Variants in EFR3B observed in about 807,000 individuals in gnomAD.
EFR3B encodes protein EFR3 homolog B.
In EFR3B, 64 loss-of-function variants were observed where a neutral mutation model predicts 104.7. The observed-to-expected ratio is 0.61, with a 90% CI of 0.50 to 0.75. The LOEUF (loss-of-function observed/expected upper bound fraction) is 0.75, where lower values mean the gene tolerates loss of function less well. Ranked by LOEUF, EFR3B falls within the 30% of genes least tolerant of loss-of-function variation. EFR3B has a pLI of 0.00. For missense variants in EFR3B, 750 were observed against 1,078.5 expected, an observed-to-expected ratio of 0.70 and a Z score of 4.27; for synonymous variants, 385 against 417.9, an observed-to-expected ratio of 0.92 and a Z score of 0.96.
chr2:25,066,300 T>C lies in EFR3B; in HGVS notation c.7+23981T>C, dbSNP rs189703076. Among the ~76,000 whole-genome samples, 19 of 152,256 alleles carry C rather than the reference T, an allele frequency of 1.2e-4. No homozygotes were observed. The East Asian group carries it at 3.7e-3, about 29-fold the overall frequency. On this transcript the variant is annotated intron_variant, in intron 1 of 22. Transcript: ENST00000403714. ...CACTGGAAGTAGATTCCTTACGCATTCTAAGAGCACAATAGAAGGTGATAG... is the reference window on the plus strand; with the variant it reads ...CACTGGAAGTAGATTCCTTACGCATCCTAAGAGCACAATAGAAGGTGATAG...
intron 1 of EFR3B, among the ~76,000 whole-genome samples, chr2:25,045,829 A>T (rs1280560748): frequency 6.6e-6 from 1 of 151,998 alleles, no homozygotes; most frequent in African/African-American, 2.4e-5. Context: ...TGTTGCTCTC[A>T]TCTGGGCTGG....
At chr2:25,052,164 C>T (rs1320785580) in intron 1 of EFR3B, among the ~76,000 whole-genome samples, 2 of 151,328 alleles carry the variant, frequency 1.3e-5, no homozygotes, top group African/African-American at 4.9e-5. Flanking sequence ...CCATTGGGCT[C>T]CAGCCTGGGC....
At chr2:25,099,318 G>C (rs1352760903) in intron 3 of EFR3B, among the ~76,000 whole-genome samples, 1 of 152,014 alleles carries the variant, frequency 6.6e-6, no homozygotes, top group East Asian at 1.9e-4. Context: ...GCAGAGCCAG[G>C]AATGGCTGTC....
At position 25,130,220 on chromosome 2, in the gene EFR3B, G is replaced by A. The variant is rs750009048; in HGVS notation, c.770+111G>A. 78 of 1,455,766 alleles carry A rather than the reference G, an allele frequency of 5.4e-5. No homozygotes were observed. Among genetic ancestry groups the A allele is most frequent in the Admixed American group, 1.9e-4 (9 of 47,658 alleles). 90.2% of individuals were successfully genotyped at this position (1,455,766 alleles called of 1,614,324 possible). On this transcript the variant is annotated intron_variant, in intron 7 of 22. Coordinates refer to ENST00000403714, the MANE Select transcript of EFR3B (RefSeq NM_014971.2). This position sits in a 1 kb window ranked among gnomAD's most constrained non-coding sequence, Gnocchi z 4.6. ...AAGGGGATATTACAGTTGTGGTGCC[G>A]CAGCCGAGTCGATCCCTTCCCTGTG... is the stretch of plus-strand genomic sequence containing the variant.
At chr2:25,054,024 C>A (rs1667953951) in intron 1 of EFR3B, among the ~76,000 whole-genome samples, 1 of 152,218 alleles carries the variant, frequency 6.6e-6, no homozygotes. Context: ...GTGGTGCAGG[C>A]CCAGTCCTGC....
rs1432111944 is a variant in EFR3B, at chr2:25,157,478, G to C, written c.*3138G>C. 6.6e-6 allele frequency: 1 copy of C among 152,272 alleles called. No homozygotes were observed. Among genetic ancestry groups the C allele is most frequent in the African/African-American group, 2.4e-5 (1 of 41,436 alleles). 9.4% of individuals were successfully genotyped at this position (152,272 alleles called of 1,614,324 possible). On this transcript the variant is annotated 3_prime_UTR_variant, in exon 23 of 23. Coordinates refer to ENST00000403714, the MANE Select transcript of EFR3B (RefSeq NM_014971.2). ...TGCCCTTCCAAGCCCCTGGAGGCTAGTGGCATTGCATTGTGCCCCTTTTTG... is the reference window on the plus strand; with the variant it reads ...TGCCCTTCCAAGCCCCTGGAGGCTACTGGCATTGCATTGTGCCCCTTTTTG...
intron 1 of EFR3B, among the ~76,000 whole-genome samples, chr2:25,063,893 C>A (rs376901610): frequency 2.0e-5 from 3 of 152,294 alleles, no homozygotes; most frequent in South Asian, 4.1e-4. Context: ...TCCATCTGCT[C>A]CTGGCTTCTT....
At chr2:25,134,262 C>G (rs1010486649) in intron 12 of EFR3B, among the ~76,000 whole-genome samples, 1 of 150,984 alleles carries the variant, frequency 6.6e-6, no homozygotes, top group Admixed American at 6.7e-5. Context: ...TCACTGCAAC[C>G]TTCGCCTCCC....
intron 1 of EFR3B, among the ~76,000 whole-genome samples, chr2:25,074,479 C>T (rs540556218): frequency 5.3e-5 from 8 of 151,710 alleles, no homozygotes; most frequent in African/African-American, 1.2e-4. Context: ...GCAGGAGAAT[C>T]GCTTGAACCC....
Position 25,130,119 on chromosome 2 carries a change from C to T in EFR3B, c.770+10C>T, listed in dbSNP as rs1216197972. The T allele has an allele frequency of 1.9e-6, 3 of 1,551,864 alleles. No individual in the cohort carries two copies. Among genetic ancestry groups the T allele is most frequent in the Non-Finnish European group, 2.6e-6 (3 of 1,147,030 alleles). ...TCAAGCCTGTTCTCATGTGAGTGCC[C>T]CCACCCACTGCCTTGGCCCCAGCCT... On this transcript the variant is annotated intron_variant, in intron 7 of 22. Transcript: ENST00000403714. This position sits in a 1 kb window ranked among gnomAD's most constrained non-coding sequence, Gnocchi z 4.6.
intron 3 of EFR3B, among the ~76,000 whole-genome samples, chr2:25,096,835 A>G (rs1357811565): frequency 6.6e-6 from 1 of 152,214 alleles, no homozygotes; most frequent in Non-Finnish European, 1.5e-5. Flanking sequence ...TAGAAAGCAC[A>G]GGCCTCACCA....
intron 21 of EFR3B, among the ~76,000 whole-genome samples, chr2:25,152,658 A>G (rs1283318498): frequency 1.3e-5 from 2 of 152,182 alleles, no homozygotes; most frequent in African/African-American, 2.4e-5. Flanking sequence ...AGCTCAGACA[A>G]TCTTGAAATT....
At chr2:25,069,081 T>C (rs916356358) in intron 1 of EFR3B, among the ~76,000 whole-genome samples, 1 of 151,884 alleles carries the variant, frequency 6.6e-6, no homozygotes, top group Non-Finnish European at 1.5e-5. Flanking sequence ...CTAATTTTTG[T>C]ATTTTTAGTA....
intron 1 of EFR3B, among the ~76,000 whole-genome samples, chr2:25,059,572 C>CG (rs56219617): frequency 0.017 from 971 of 58,484 alleles, 21 homozygotes; most frequent in East Asian, 0.046. Context: ...CCAGGGACTG[C>CG]GGGGGGGGGG....
At chr2:25,084,484 C>T (rs1248877469) in intron 1 of EFR3B, among the ~76,000 whole-genome samples, 1 of 152,154 alleles carries the variant, frequency 6.6e-6, no homozygotes, top group African/African-American at 2.4e-5. Flanking sequence ...CGTGATCCAC[C>T]TGTCTTGACC....
rs1668465930 is a variant in EFR3B at position 25,070,563 on chromosome 2, G to A, written c.8-20762G>A. ...CAGGCGTGAGCCACCGCATCCTACT[G>A]GCTTCTGATGATTTTAAAATTCAAA... On this transcript the variant is annotated intron_variant, in intron 1 of 22. Coordinates refer to ENST00000403714, the MANE Select transcript of EFR3B (RefSeq NM_014971.2). 3.3e-5 allele frequency among the ~76,000 whole-genome samples: 5 copies of A among 152,142 alleles called. No individual in the cohort carries two copies. The South Asian group carries it at 1.0e-3, about 32-fold the overall frequency.
chr2:25,124,496 C>T (rs997076324), intron 5 of EFR3B, among the ~76,000 whole-genome samples: 1 of 150,072 alleles, frequency 6.7e-6, no homozygotes, highest in Non-Finnish European at 1.5e-5. Flanking sequence ...GGAGGCCGAG[C>T]GGGGCGGATC....
chr2:25,077,080 C>A (rs1668650203), intron 1 of EFR3B, among the ~76,000 whole-genome samples: 1 of 152,252 alleles, frequency 6.6e-6, no homozygotes, highest in African/African-American at 2.4e-5. Flanking sequence ...AGATGTACCC[C>A]TCTCCTGCAG....
chr2:25,122,645 T>G (rs1292509190), intron 5 of EFR3B, among the ~76,000 whole-genome samples: 1 of 152,114 alleles, frequency 6.6e-6, no homozygotes, highest in Non-Finnish European at 1.5e-5. Flanking sequence ...GGGATCTGCA[T>G]GGCTCACTGC....
Sources: gnomAD v4.1 joint callset for allele counts (sites outside exome capture counted in the v4.1 genomes callset) on GRCh38, gnomAD v4.1.1 for gene constraint, Gnocchi (gnomAD v3.1) non-coding constraint, MANE v1.5 for transcripts, NCBI Gene and HGNC (gene_info 2026-07-23, HGNC 2026-07-21) for gene names.